NLGN1: variants seen among roughly 807,000 people sequenced by gnomAD.
NLGN1 encodes neuroligin 1.
A neutral mutation model predicts 65.5 loss-of-function variants in NLGN1; 12 were observed. That is an observed-to-expected ratio of 0.18 (90% CI 0.12 to 0.30). NLGN1 has a LOEUF of 0.30. Ranked by LOEUF, NLGN1 falls within the 10% of genes least tolerant of loss-of-function variation. NLGN1 has a pLI of 1.00. For synonymous variants in NLGN1, 350 were observed against 359.5 expected, an observed-to-expected ratio of 0.97 and a Z score of 0.30; for missense variants, 750 against 1,007.1, an observed-to-expected ratio of 0.74 and a Z score of 3.46.
chr3:173,942,005 G>A (rs1373413684), intron 4 of NLGN1, among the ~76,000 whole-genome samples: 4 of 151,722 alleles, frequency 2.6e-5, no homozygotes, highest in Admixed American at 6.6e-5. Context: ...TGCTGACACC[G>A]AGAGATGTCC....
intron 4 of NLGN1, among the ~76,000 whole-genome samples, chr3:174,158,560 G>A (rs1725900416): frequency 6.6e-6 from 1 of 151,690 alleles, no homozygotes; most frequent in South Asian, 2.1e-4. Flanking sequence ...CCTTGGTGCT[G>A]TTATAAATGC....
chr3:173,687,913 C>T (rs1398688546), intron 3 of NLGN1, among the ~76,000 whole-genome samples: 2 of 152,110 alleles, frequency 1.3e-5, no homozygotes, highest in African/African-American at 2.4e-5. Flanking sequence ...ACTAGAATAC[C>T]ACGTTTTAAA....
intron 1 of NLGN1, among the ~76,000 whole-genome samples, chr3:173,400,310 C>T (rs746375995): frequency 6.6e-6 from 1 of 152,038 alleles, no homozygotes; most frequent in African/African-American, 2.4e-5. Context: ...CCAGTGGCTC[C>T]TTATAGATTA....
At chr3:173,669,864 ACTT>A (rs1762229129) in intron 3 of NLGN1, among the ~76,000 whole-genome samples, 1 of 152,214 alleles carries the variant, frequency 6.6e-6, no homozygotes, top group South Asian at 2.1e-4. Flanking sequence ...GGTGTATAGA[ACTT>A]CTGTTTACCT....
intron 4 of NLGN1, among the ~76,000 whole-genome samples, chr3:174,024,401 G>GAA (rs1728419916): frequency 6.6e-6 from 1 of 152,058 alleles, no homozygotes. Flanking sequence ...CTCCTCAGAG[G>GAA]AATAGGTTAT....
At chr3:173,756,778 A>C (rs968114881) in intron 3 of NLGN1, among the ~76,000 whole-genome samples, 1 of 140,088 alleles carries the variant, frequency 7.1e-6, no homozygotes, top group Non-Finnish European at 1.6e-5. Flanking sequence ...AAAAAAAAAA[A>C]CCCAGAAACA....
At position 173,832,988 on chromosome 3, in the gene NLGN1, G is replaced by A. The variant is rs1318106907; in HGVS notation, c.646+25156G>A. ...CTACGGGATGCAGAGTATTGCATAT[G>A]TGGATGAAACCATATGTGTTCACAG... is the stretch of plus-strand genomic sequence containing the variant. On this transcript the variant is annotated intron_variant, in intron 4 of 6. Transcript: ENST00000457714. Among the ~76,000 whole-genome samples, 11 of 152,250 alleles carry A rather than the reference G, an allele frequency of 7.2e-5. No individual in the cohort carries two copies. In the South Asian group the frequency reaches 2.3e-3, roughly 32 times the overall value.
upstream of NLGN1, among the ~76,000 whole-genome samples, chr3:173,397,624 G>A (rs1716843120): frequency 6.6e-6 from 1 of 151,766 alleles, no homozygotes; most frequent in Non-Finnish European, 1.5e-5. Flanking sequence ...CCGTTCCCCC[G>A]TCAGTCCCCC....
chr3:174,084,905 A>C (rs1047265690), intron 4 of NLGN1, among the ~76,000 whole-genome samples: 1 of 152,062 alleles, frequency 6.6e-6, no homozygotes, highest in Non-Finnish European at 1.5e-5. Flanking sequence ...GAAACTCAAT[A>C]GGAAGACTGA....
At chr3:173,829,575 T>G (rs2150582969) in intron 4 of NLGN1, among the ~76,000 whole-genome samples, 1 of 150,380 alleles carries the variant, frequency 6.6e-6, no homozygotes, top group Middle Eastern at 3.4e-3. Context: ...TGTGTGTTTG[T>G]GTGTGTGTGT....
At chr3:173,839,548 G>A (rs1724365401) in intron 4 of NLGN1, among the ~76,000 whole-genome samples, 1 of 151,586 alleles carries the variant, frequency 6.6e-6, no homozygotes, top group African/African-American at 2.4e-5. Context: ...TCAGCCTCCC[G>A]AGTAGCTGGG....
intron 4 of NLGN1, among the ~76,000 whole-genome samples, chr3:173,957,117 T>A (rs951640029): frequency 1.3e-5 from 2 of 152,112 alleles, no homozygotes; most frequent in African/African-American, 4.8e-5. Flanking sequence ...AGTGATTTAA[T>A]GAGAATTAGA....
intron 4 of NLGN1, among the ~76,000 whole-genome samples, chr3:174,273,052 T>TAAAG (rs931438289): frequency 1.3e-5 from 2 of 151,550 alleles, no homozygotes; most frequent in African/African-American, 4.8e-5. Context: ...GCTATTTGAC[T>TAAAG]AAAGAGTGCA....
At chr3:174,153,330 A>C (rs916285228) in intron 4 of NLGN1, among the ~76,000 whole-genome samples, 2 of 152,150 alleles carry the variant, frequency 1.3e-5, no homozygotes, top group African/African-American at 4.8e-5. Flanking sequence ...GGACAATGTT[A>C]AACTCAATTT....
At position 173,698,033 on chromosome 3, in the gene NLGN1, GA is replaced by G. The variant is rs35715039; in HGVS notation, c.493+92956del. On this transcript the variant is annotated intron_variant, in intron 3 of 6. Transcript: ENST00000457714. The stretch of plus-strand genomic sequence containing the variant: ...CGCATAAGGACAAAGCTTAAAAAAT[GA>G]AAAAAAAAAAAAACAAACTTATTTA... Among the ~76,000 whole-genome samples, 1,347 of 145,356 alleles carry G rather than the reference GA, an allele frequency of 9.3e-3. 11 individuals are homozygous for G. Among genetic ancestry groups the G allele is most frequent in the African/African-American group, 0.025 (999 of 39,660 alleles).
intron 3 of NLGN1, among the ~76,000 whole-genome samples, chr3:173,792,338 A>C (rs1027410597): frequency 1.3e-5 from 2 of 152,172 alleles, no homozygotes; most frequent in African/African-American, 4.8e-5. Flanking sequence ...AATAATGCCA[A>C]AAAGTTAAGG....
chr3:174,125,008 G>T (rs1335761129), intron 4 of NLGN1, among the ~76,000 whole-genome samples: 3 of 152,058 alleles, frequency 2.0e-5, no homozygotes, highest in Admixed American at 1.3e-4. Context: ...TAGTCTAGCT[G>T]CAGAATATTG....
At chr3:174,165,595 T>C (rs1177447020) in intron 4 of NLGN1, among the ~76,000 whole-genome samples, 1 of 152,120 alleles carries the variant, frequency 6.6e-6, no homozygotes, top group Non-Finnish European at 1.5e-5. Context: ...TTGAATTTAA[T>C]TTGATAGTAT....
At chr3:173,777,395 A>G (rs974965206) in intron 3 of NLGN1, among the ~76,000 whole-genome samples, 6 of 151,896 alleles carry the variant, frequency 4.0e-5, no homozygotes, top group African/African-American at 1.2e-4. Context: ...TTTAATTGAT[A>G]TATAGTAACT....
Sources: gnomAD v4.1 joint callset for allele counts (sites outside exome capture counted in the v4.1 genomes callset) on GRCh38, gnomAD v4.1.1 for gene constraint, MANE v1.5 for transcripts, NCBI Gene and HGNC (gene_info 2026-07-23, HGNC 2026-07-21) for gene names.